ADAMTSL1: variants seen among roughly 807,000 people sequenced by gnomAD.
The protein encoded by ADAMTSL1 is ADAMTS-like protein 1.
In ADAMTSL1, 126 loss-of-function variants were observed where a neutral mutation model predicts 201.8. The ratio of observed to expected loss-of-function variants is 0.62; its 90% CI spans 0.54 to 0.72. ADAMTSL1 has a LOEUF of 0.72. ADAMTSL1 is among the 30% of genes least tolerant of loss of function. ADAMTSL1 has a pLI of 0.00. For synonymous variants in ADAMTSL1, 1,121 were observed against 903.4 expected (o/e 1.24, Z -4.32); for missense variants, 2,679 against 2,277.8 (o/e 1.18, Z -3.59).
intron 28 of ADAMTSL1, 58 bp from the exon 29 acceptor site, chr9:18,908,384 A>T (rs1419988936): frequency 7.1e-7 from 1 of 1,414,914 alleles, no homozygotes; most frequent in Non-Finnish European, 9.8e-7. Flanking sequence ...TGCGTTCATT[A>T]GTCTCTGTTT....
intron 13 of ADAMTSL1, among the ~76,000 whole-genome samples, chr9:18,698,552 C>A (rs1406072402): frequency 6.6e-6 from 1 of 151,978 alleles, no homozygotes; most frequent in Non-Finnish European, 1.5e-5. Flanking sequence ...TCCCAAAGTA[C>A]TGGAATTACA....
chr9:18,807,710 C>T lies in ADAMTSL1; in HGVS notation c.3806-9399C>T, dbSNP rs566957448. On this transcript the variant is annotated intron_variant, in intron 20 of 28. Transcript: ENST00000380548. ...ACTGACTGCTGAGGCGCGGCGCATT[C>T]AGTGGAGGGCTCAGTAATGCTGACT... is the stretch of plus-strand genomic sequence containing the variant. Among the ~76,000 whole-genome samples the T allele has an allele frequency of 4.6e-5, 7 of 151,662 alleles. No individual in the cohort carries two copies. The East Asian group carries it at 5.8e-4, about 13-fold the overall frequency.
chr9:18,247,459 C>T (rs568256416), intron 2 of ADAMTSL1, among the ~76,000 whole-genome samples: 4 of 152,238 alleles, frequency 2.6e-5, no homozygotes. Flanking sequence ...AGTTCTCTCT[C>T]TTGTGGAGTT....
At chr9:18,295,006 C>A (rs747007089) in intron 2 of ADAMTSL1, among the ~76,000 whole-genome samples, 2 of 152,058 alleles carry the variant, frequency 1.3e-5, no homozygotes, top group African/African-American at 4.8e-5. Flanking sequence ...TAGATCACAG[C>A]GTGTGGCTGT....
intron 2 of ADAMTSL1, among the ~76,000 whole-genome samples, chr9:18,274,471 A>T (rs545012123): frequency 6.6e-6 from 1 of 152,298 alleles, no homozygotes; most frequent in East Asian, 1.9e-4. Context: ...TCATGAAAAG[A>T]GTTAGTAGTT....
chr9:18,013,288 G>A (rs926941873), intron 1 of ADAMTSL1, among the ~76,000 whole-genome samples: 2 of 151,982 alleles, frequency 1.3e-5, no homozygotes, highest in African/African-American at 2.4e-5. Flanking sequence ...ACAGAAATTT[G>A]ACTTCTGCCC....
intron 1 of ADAMTSL1, among the ~76,000 whole-genome samples, chr9:18,029,900 G>C (rs1199673941): frequency 6.6e-6 from 1 of 151,858 alleles, no homozygotes; most frequent in Non-Finnish European, 1.5e-5. Context: ...GGAAACAACA[G>C]GTGCTGGAGA....
At chr9:18,363,093 G>A (rs934654277) in intron 2 of ADAMTSL1, among the ~76,000 whole-genome samples, 5 of 152,324 alleles carry the variant, frequency 3.3e-5, no homozygotes, top group African/African-American at 1.2e-4. Flanking sequence ...ACCTAAAAGT[G>A]TTATGGGAGA....
At chr9:18,295,709 G>T (rs1323705606) in intron 2 of ADAMTSL1, among the ~76,000 whole-genome samples, 1 of 152,090 alleles carries the variant, frequency 6.6e-6, no homozygotes, top group Non-Finnish European at 1.5e-5. Context: ...TCCTGCCCAG[G>T]AATATGCCCA....
intron 4 of ADAMTSL1, among the ~76,000 whole-genome samples, chr9:18,578,872 A>G (rs1822905830): frequency 6.6e-6 from 1 of 151,022 alleles, no homozygotes; most frequent in African/African-American, 2.4e-5. Context: ...CTATTTCTCC[A>G]CATCCTCTCC....
intron 1 of ADAMTSL1, among the ~76,000 whole-genome samples, chr9:17,974,160 G>T (rs1818339461): frequency 1.3e-5 from 2 of 151,982 alleles, no homozygotes; most frequent in Admixed American, 6.6e-5. Flanking sequence ...GCAAAAACTG[G>T]AAGCATTCAC....
chr9:18,749,643 G>A (rs145674124), intron 15 of ADAMTSL1, among the ~76,000 whole-genome samples: 69 of 152,280 alleles, frequency 4.5e-4, no homozygotes, highest in Non-Finnish European at 7.2e-4. Context: ...GGCACAGAAC[G>A]CACGGAATAG....
intron 3 of ADAMTSL1, among the ~76,000 whole-genome samples, chr9:18,566,843 G>A (rs1217057499): frequency 1.3e-5 from 2 of 152,178 alleles, no homozygotes; most frequent in Non-Finnish European, 2.9e-5. Context: ...GGGAAATTAG[G>A]AGACTATTGC....
chr9:18,721,523 G>C lies in ADAMTSL1; in HGVS notation c.1877-13G>C. On this transcript the variant is annotated splice_polypyrimidine_tract_variant and intron_variant, in intron 14 of 28. Coordinates refer to ENST00000380548, the MANE Select transcript of ADAMTSL1 (RefSeq NM_001040272.6). ...ACTTTGCACTCTGGCCTGACCGTGT[G>C]ATTTGTACACAGGTGTCCAGGAGGC... 1 of 1,613,590 alleles carries C rather than the reference G, an allele frequency of 6.2e-7. No homozygotes were observed. The highest frequency in any genetic ancestry group is 8.5e-7 in the Non-Finnish European group (1 of 1,179,710).
intron 1 of ADAMTSL1, among the ~76,000 whole-genome samples, chr9:18,059,231 G>C (rs953172712): frequency 4.6e-5 from 7 of 152,078 alleles, no homozygotes; most frequent in African/African-American, 1.2e-4. Flanking sequence ...TTCACTATCG[G>C]ACTGTTAACT....
At chr9:18,905,737 T>G (rs199497535) in intron 26 of ADAMTSL1, 45 bp from the exon 27 acceptor site, 25 of 1,531,880 alleles carry the variant, frequency 1.6e-5, no homozygotes, top group Middle Eastern at 3.5e-4. Flanking sequence ...GCCTCCACCC[T>G]TGACTTGGCT....
chr9:17,929,122 C>A (rs946291366), intron 1 of ADAMTSL1, among the ~76,000 whole-genome samples: 7 of 152,024 alleles, frequency 4.6e-5, no homozygotes, highest in African/African-American at 1.7e-4. Flanking sequence ...GGTTTCTAAC[C>A]TTTTTAAATA....
intron 2 of ADAMTSL1, among the ~76,000 whole-genome samples, chr9:18,254,546 G>T (rs139966962): frequency 6.6e-6 from 1 of 151,432 alleles, no homozygotes; most frequent in East Asian, 2.0e-4. Flanking sequence ...TGTATTTTTA[G>T]TAAAGACGGG....
chr9:18,398,771 T>C (rs957700823), intron 2 of ADAMTSL1, among the ~76,000 whole-genome samples: 8 of 152,190 alleles, frequency 5.3e-5, no homozygotes, highest in African/African-American at 1.9e-4. Flanking sequence ...AGGTGAGTGA[T>C]CTAATCTGAT....
Sources: allele counts gnomAD v4.1 joint callset (sites outside exome capture counted in the v4.1 genomes callset), GRCh38; gene constraint gnomAD v4.1.1; transcripts MANE v1.5; gene names NCBI Gene and HGNC (gene_info 2026-07-23, HGNC 2026-07-21).